The following EDDM13 variants were observed in gnomAD, a reference collection of about 807,000 sequenced individuals.
The protein encoded by EDDM13 is epididymal protein 13.
Under a neutral mutation model 17.8 loss-of-function variants are expected in EDDM13, and 24 were observed. That is an observed-to-expected ratio of 1.35 (90% CI 0.98 to 1.90). EDDM13 has a LOEUF of 1.90. EDDM13 is among the 40% of genes most tolerant of loss of function. The pLI, the probability that EDDM13 is intolerant of heterozygous loss-of-function variation, is 0.00. For missense variants in EDDM13, 97 were observed against 100.8 expected (o/e 0.96, Z 0.16); for synonymous variants, 31 against 37.5 (o/e 0.83, Z 0.63).
rs371889656 is a variant in EDDM13, at chr19:56,277,549, T to G, written c.103+1440T>G. Among the ~76,000 whole-genome samples the G allele has an allele frequency of 4.6e-5, 7 of 152,098 alleles. No homozygotes were observed. In the East Asian group the frequency reaches 1.2e-3, roughly 25 times the overall value. Reference sequence around the variant, plus strand: ...CCAGGGGGTGAGGGGTGGGGGAATTTAGAGACAATGACTAAGGGGTTCAGG... The same window carrying G: ...CCAGGGGGTGAGGGGTGGGGGAATTGAGAGACAATGACTAAGGGGTTCAGG... On this transcript the variant is annotated intron_variant, in intron 2 of 14. Transcript: ENST00000649256.
chr19:56,294,908 C>T (rs1047335502), intron 9 of EDDM13, among the ~76,000 whole-genome samples: 1 of 152,162 alleles, frequency 6.6e-6, no homozygotes, highest in Non-Finnish European at 1.5e-5. Context: ...TCTGTCTCTA[C>T]GACATGTCCA....
In EDDM13 at chr19:56,285,807, A is replaced by C. The variant is rs117269031; in HGVS notation, c.154+783A>C. Among the ~76,000 whole-genome samples the C allele has an allele frequency of 1.5e-3, 228 of 152,134 alleles. 4 individuals are homozygous for C. The South Asian group carries it at 0.034, about 23-fold the overall frequency. ...TTTTGTTTTATTTTGTTTTGATGTTATTATAAACAGCGCTATAATGGAAAT... is the reference window on the plus strand; with the variant it reads ...TTTTGTTTTATTTTGTTTTGATGTTCTTATAAACAGCGCTATAATGGAAAT... On this transcript the variant is annotated intron_variant, in intron 6 of 14. Transcript: ENST00000649256.
intron 5 of EDDM13, among the ~76,000 whole-genome samples, chr19:56,284,797 G>A (rs2038981704): frequency 6.6e-6 from 1 of 152,160 alleles, no homozygotes; most frequent in African/African-American, 2.4e-5. Flanking sequence ...ACAGGCCTGA[G>A]CCACTGCGCC....
chr19:56,305,314 T>G (rs1204604323), intron 14 of EDDM13, among the ~76,000 whole-genome samples: 1 of 152,238 alleles, frequency 6.6e-6, no homozygotes, highest in East Asian at 1.9e-4. Flanking sequence ...ACTCTGGTCA[T>G]TTCATACACA....
intron 8 of EDDM13, among the ~76,000 whole-genome samples, chr19:56,290,325 T>G (rs2039428343): frequency 6.6e-6 from 1 of 152,240 alleles, no homozygotes; most frequent in Non-Finnish European, 1.5e-5. Flanking sequence ...TAGGTATTAT[T>G]TGTAGTTGTC....
chr19:56,287,893 A>T lies in EDDM13; in HGVS notation c.155-492A>T, dbSNP rs375511853. Among the ~76,000 whole-genome samples the T allele has an allele frequency of 2.0e-5, 3 of 152,348 alleles. No individual in the cohort carries two copies. In the East Asian group the frequency reaches 5.8e-4, roughly 29 times the overall value. The stretch of plus-strand genomic sequence containing the variant: ...CCCTCTAAGAGGTGTAAATGCCACA[A>T]AAGCTACAGTGACCAGCTCGTCCCA... On this transcript the variant is annotated intron_variant, in intron 6 of 14. Coordinates refer to ENST00000649256, the MANE Select transcript of EDDM13 (RefSeq NM_001354658.2).
intron 12 of EDDM13, chr19:56,299,902 T>G (rs2040119425): frequency 6.6e-6 from 1 of 152,234 alleles, no homozygotes; most frequent in African/African-American, 2.4e-5. Flanking sequence ...TGAGACGTTC[T>G]TGCTATCACC....
intron 6 of EDDM13, among the ~76,000 whole-genome samples, chr19:56,286,090 C>T (rs964164603): frequency 6.6e-6 from 1 of 152,110 alleles, no homozygotes; most frequent in African/African-American, 2.4e-5. Context: ...GGTGAGATCT[C>T]AGCTCATTGC....
At chr19:56,288,766 G>A (rs556788716) in intron 7 of EDDM13, among the ~76,000 whole-genome samples, 108 bp from the exon 8 acceptor site, 3 of 152,278 alleles carry the variant, frequency 2.0e-5, no homozygotes, top group Admixed American at 2.0e-4. Context: ...CCTCTGACTG[G>A]TCAGGGATGC....
chr19:56,283,992 G>C (rs1386904928), intron 4 of EDDM13: 1 of 156,382 alleles, frequency 6.4e-6, no homozygotes, highest in Non-Finnish European at 1.4e-5. Flanking sequence ...TAATCTCACA[G>C]CGTTCTGAGT....
intron 6 of EDDM13, among the ~76,000 whole-genome samples, chr19:56,285,725 C>T (rs533992873): frequency 4.6e-5 from 7 of 151,706 alleles, no homozygotes; most frequent in African/African-American, 9.7e-5. Context: ...GTGATCCGCC[C>T]GCCTTGGCCT....
At chr19:56,301,356 T>G (rs993556144) in intron 12 of EDDM13, among the ~76,000 whole-genome samples, 20 of 152,110 alleles carry the variant, frequency 1.3e-4, no homozygotes, top group Non-Finnish European at 2.4e-4. Flanking sequence ...GTAGGGGAAC[T>G]TCCTGAAGTT....
At chr19:56,304,303 G>C (rs1235947896) in intron 13 of EDDM13, among the ~76,000 whole-genome samples, 1 of 152,242 alleles carries the variant, frequency 6.6e-6, no homozygotes, top group Non-Finnish European at 1.5e-5. Flanking sequence ...AGATGAGCCT[G>C]AGACAGTGAC....
intron 13 of EDDM13, among the ~76,000 whole-genome samples, chr19:56,303,432 C>T (rs2040478308): frequency 6.7e-6 from 1 of 148,336 alleles, no homozygotes; most frequent in African/African-American, 2.5e-5. Context: ...GAGCCAAGAT[C>T]ACACCAGCCT....
intron 12 of EDDM13, among the ~76,000 whole-genome samples, chr19:56,298,578 G>A (rs1454595159): frequency 2.0e-5 from 3 of 151,670 alleles, no homozygotes; most frequent in Non-Finnish European, 4.4e-5. Flanking sequence ...ACTTGAACCT[G>A]GGAGGCGGAA....
intron 6 of EDDM13, among the ~76,000 whole-genome samples, chr19:56,285,811 T>G (rs1368683820): frequency 1.3e-5 from 2 of 152,198 alleles, no homozygotes; most frequent in Non-Finnish European, 2.9e-5. Flanking sequence ...GATGTTATTA[T>G]AAACAGCGCT....
At chr19:56,286,124 C>T (rs988532523) in intron 6 of EDDM13, among the ~76,000 whole-genome samples, 29 of 152,068 alleles carry the variant, frequency 1.9e-4, no homozygotes, top group African/African-American at 7.0e-4. Flanking sequence ...CGGGTTCAAG[C>T]GATTCTCCTG....
At chr19:56,279,152 C>T (rs1018170679) in intron 2 of EDDM13, among the ~76,000 whole-genome samples, 1 of 152,214 alleles carries the variant, frequency 6.6e-6, no homozygotes, top group African/African-American at 2.4e-5. Flanking sequence ...CTTAGTCAAG[C>T]TGACACCCCA....
chr19:56,287,628 A>G (rs1265776340), intron 6 of EDDM13, among the ~76,000 whole-genome samples: 3 of 152,130 alleles, frequency 2.0e-5, no homozygotes, highest in Non-Finnish European at 4.4e-5. Context: ...CCAAGTACCA[A>G]TCGAATGTAG....
Sources: gnomAD v4.1 joint callset for allele counts (sites outside exome capture counted in the v4.1 genomes callset) on GRCh38, gnomAD v4.1.1 for gene constraint, MANE v1.5 for transcripts, NCBI Gene and HGNC (gene_info 2026-07-23, HGNC 2026-07-21) for gene names.